The following PABPC1L variants were observed in gnomAD, a reference collection of about 807,000 sequenced individuals.
PABPC1L encodes the protein polyadenylate-binding protein 1-like.
Under a neutral mutation model 66.6 loss-of-function variants are expected in PABPC1L, and 31 were observed. The ratio of observed to expected loss-of-function variants is 0.47; its 90% CI spans 0.35 to 0.63. The LOEUF (loss-of-function observed/expected upper bound fraction) is 0.63, where lower values mean the gene tolerates loss of function less well. Ranked by LOEUF, PABPC1L falls within the 20% of genes least tolerant of loss-of-function variation. The pLI, the probability that PABPC1L is intolerant of heterozygous loss-of-function variation, is 0.00. For missense variants in PABPC1L, 722 were observed against 848.8 expected (o/e 0.85, Z 1.86); for synonymous variants, 348 against 335.1 (o/e 1.04, Z -0.42).
intron 8 of PABPC1L, 51 bp downstream of exon 8, chr20:44,930,777 A>G: frequency 6.3e-7 from 1 of 1,584,512 alleles, no homozygotes; most frequent in Non-Finnish European, 8.6e-7. Context: ...TGCCCCAGCA[A>G]GGCAGAGCAT....
intron 5 of PABPC1L, 81 bp downstream of exon 5, chr20:44,919,358 G>C (rs966411132): frequency 6.8e-7 from 1 of 1,475,492 alleles, no homozygotes; most frequent in Non-Finnish European, 9.3e-7. Context: ...GCCTGTGGAG[G>C]GGAAGAAAGT....
At chr20:44,937,389 A>G (rs2066909407) in intron 12 of PABPC1L, among the ~76,000 whole-genome samples, 1 of 148,842 alleles carries the variant, frequency 6.7e-6, no homozygotes, top group South Asian at 2.1e-4. Flanking sequence ...GGGTTTTGCC[A>G]CATTACCCCT....
chr20:44,931,005 C>CTTCCTTCCTTCCT (rs1262016753), intron 8 of PABPC1L, among the ~76,000 whole-genome samples: 1 of 101,266 alleles, frequency 9.9e-6, no homozygotes, highest in African/African-American at 4.2e-5. Flanking sequence ...TTTTTCCTTC[C>CTTCCTTCCTTCCT]TCCCTTCCTT....
Position 44,912,699 on chromosome 20 carries a change from A to G in PABPC1L, c.233A>G (p.Lys78Arg). Residue 78 changes from lysine to arginine, a missense_variant, in exon 2 of 15, where the codon AAA becomes AGA. By Grantham distance (26) the Lys-to-Arg change is conservative. This residue lies in a region of PABPC1L where 284 missense variants were observed against 294.8 expected (regional missense o/e 0.96). Coordinates refer to ENST00000217073, the MANE Select transcript of PABPC1L (RefSeq NM_001372179.1). ...ALDTMNFEMLKGQPIRIMWSQ... is the reference protein window; with the variant it reads ...ALDTMNFEMLRGQPIRIMWSQ... ...GACACAATGAACTTTGAGATGCTCAAAGGCCAGCCTATTCGCATCATGTGG... is the reference window on the plus strand; with the variant it reads ...GACACAATGAACTTTGAGATGCTCAGAGGCCAGCCTATTCGCATCATGTGG... The G allele has an allele frequency of 6.2e-7, 1 of 1,614,036 alleles. No homozygotes were observed. Among genetic ancestry groups the G allele is most frequent in the African/African-American group, 1.3e-5 (1 of 75,040 alleles).
chr20:44,934,008 T>C (rs1485571903), intron 10 of PABPC1L, among the ~76,000 whole-genome samples: 2 of 152,166 alleles, frequency 1.3e-5, no homozygotes, highest in Non-Finnish European at 2.9e-5. Flanking sequence ...AGCCTCGGCC[T>C]CCCAAAGTGC....
chr20:44,928,257 G>C (rs2066824334), intron 7 of PABPC1L, among the ~76,000 whole-genome samples: 1 of 151,878 alleles, frequency 6.6e-6, no homozygotes, highest in Admixed American at 6.6e-5. Context: ...ATTTTTAGTA[G>C]AGATGGGGTT....
intron 11 of PABPC1L, among the ~76,000 whole-genome samples, chr20:44,936,398 C>A (rs1479368534): frequency 6.6e-6 from 1 of 152,154 alleles, no homozygotes; most frequent in Non-Finnish European, 1.5e-5. Context: ...TATCAACGTT[C>A]ATCAGGGACC....
At position 44,911,444 on chromosome 20, in the gene PABPC1L, A is replaced by G. The variant is rs552929846; in HGVS notation, c.193+1108A>G. 2.9e-4 allele frequency among the ~76,000 whole-genome samples: 44 copies of G among 152,370 alleles called. 2 individuals carry two copies. In the South Asian group the frequency reaches 8.7e-3, roughly 30 times the overall value. Reference sequence around the variant, plus strand: ...GCGCCATTGCACTCCAGCCCGGGCAACAGAGCGAGACTCCATCTCAACACA... The same window carrying G: ...GCGCCATTGCACTCCAGCCCGGGCAGCAGAGCGAGACTCCATCTCAACACA... On this transcript the variant is annotated intron_variant, in intron 1 of 14. Coordinates refer to ENST00000217073, the MANE Select transcript of PABPC1L (RefSeq NM_001372179.1).
At position 44,916,819 on chromosome 20, in the gene PABPC1L, G is replaced by T. The variant is rs759561278; in HGVS notation, c.451G>T (p.Ala151Ser). ...TGTCCATTTTGAGACCCATGAGGCC[G>T]CACAGCAGGCCATCAACACCATGAA... ...GFVHFETHEA[A>S]QQAINTMNGM... Residue 151 changes from alanine (A) to serine (S), a missense_variant, in exon 3 of 15, where the codon GCA (alanine) becomes TCA (serine). Ala to Ser is a moderately conservative substitution (Grantham distance 99, BLOSUM62 1). Around this residue, in one of 3 missense-constraint regions of PABPC1L, gnomAD observed 284 missense variants for 294.8 expected, o/e 0.96. Coordinates refer to ENST00000217073, the MANE Select transcript of PABPC1L (RefSeq NM_001372179.1). 1 of 1,614,152 alleles carries T rather than the reference G, an allele frequency of 6.2e-7. No individual in the cohort carries two copies.
At chr20:44,927,133 A>T (rs919808855) in intron 7 of PABPC1L, among the ~76,000 whole-genome samples, 1 of 149,488 alleles carries the variant, frequency 6.7e-6, no homozygotes, top group South Asian at 2.1e-4. Context: ...CAGTCCTCCT[A>T]CCTCAGCCTC....
chr20:44,911,981 C>T (rs1446733853), intron 1 of PABPC1L, among the ~76,000 whole-genome samples: 4 of 152,164 alleles, frequency 2.6e-5, no homozygotes, highest in African/African-American at 9.7e-5. Flanking sequence ...GGCTGGGCAT[C>T]GGCTGCTGTT....
At chr20:44,914,138 G>A (rs903476050) in intron 2 of PABPC1L, among the ~76,000 whole-genome samples, 13 of 151,716 alleles carry the variant, frequency 8.6e-5, no homozygotes, top group South Asian at 2.1e-4. Flanking sequence ...CAGTTACCCC[G>A]TAGCCTTTGG....
At chr20:44,937,338 G>T (rs755139021) in intron 12 of PABPC1L, among the ~76,000 whole-genome samples, 2 of 151,324 alleles carry the variant, frequency 1.3e-5, no homozygotes, top group African/African-American at 2.4e-5. Context: ...TTTACTGAAG[G>T]CCCCCATTAC....
At position 44,919,022 on chromosome 20, in the gene PABPC1L, T is replaced by C; in HGVS notation, c.620T>C (p.Leu207Pro). The C allele has an allele frequency of 1.9e-6, 3 of 1,612,878 alleles. No individual in the cohort carries two copies. Among genetic ancestry groups the C allele is most frequent in the Non-Finnish European group, 2.5e-6 (3 of 1,179,332 alleles). Residue 207 changes from leucine to proline, a missense_variant, in exon 4 of 15, where the codon CTG becomes CCG. Leu to Pro is a moderately conservative substitution (Grantham distance 98). Coordinates refer to ENST00000217073, the MANE Select transcript of PABPC1L (RefSeq NM_001372179.1). ...NLPVDVDEQG[L>P]QDLFSQFGKM... The stretch of plus-strand genomic sequence containing the variant: ...CCGGTGGATGTGGACGAGCAAGGCC[T>C]GCAGGACCTCTTCTCCCAGTTTGGT...
chr20:44,922,276 C>T (rs1406815449), intron 6 of PABPC1L, among the ~76,000 whole-genome samples: 3 of 152,302 alleles, frequency 2.0e-5, no homozygotes, highest in East Asian at 1.9e-4. Context: ...CAGAGTATTG[C>T]TCTTGTCACC....
intron 12 of PABPC1L, chr20:44,936,993 G>A: frequency 1.7e-6 from 1 of 582,606 alleles, no homozygotes; most frequent in Non-Finnish European, 3.3e-6. Context: ...AGACAGTCCA[G>A]ATGTGGGGAG....
intron 6 of PABPC1L, among the ~76,000 whole-genome samples, chr20:44,923,306 C>T (rs149474946): frequency 1.5e-3 from 232 of 152,190 alleles, no homozygotes; most frequent in African/African-American, 5.4e-3. Flanking sequence ...GTTTTCTTCA[C>T]GCAGGGTTGT....
intron 8 of PABPC1L, among the ~76,000 whole-genome samples, chr20:44,931,045 C>CTTCCCTTCCT (rs2066852201): frequency 1.8e-5 from 1 of 54,260 alleles, no homozygotes; most frequent in South Asian, 8.6e-4. Flanking sequence ...CCTTCCCTCC[C>CTTCCCTTCCT]TTCCCTTCCC....
chr20:44,919,363 G>A (rs963355015), intron 5 of PABPC1L, 86 bp downstream of exon 5: 1 of 1,425,272 alleles, frequency 7.0e-7, no homozygotes, highest in African/African-American at 1.4e-5. Flanking sequence ...TGGAGGGGAA[G>A]AAAGTCCCTC....
Sources: gnomAD v4.1 joint callset for allele counts (sites outside exome capture counted in the v4.1 genomes callset) on GRCh38, gnomAD v4.1.1 for gene constraint, gnomAD v4.1.1 regional missense constraint, MANE v1.5 for transcripts, NCBI Gene and HGNC (gene_info 2026-07-23, HGNC 2026-07-21) for gene names.